FBXL20: variants seen among roughly 807,000 people sequenced by gnomAD.
FBXL20 encodes F-box/LRR-repeat protein 20.
A neutral mutation model predicts 64.0 loss-of-function variants in FBXL20; 11 were observed. The ratio of observed to expected loss-of-function variants is 0.17; its 90% confidence interval spans 0.11 to 0.28. The LOEUF (loss-of-function observed/expected upper bound fraction) is 0.28, where lower values mean the gene tolerates loss of function less well. FBXL20 is among the 10% of genes least tolerant of loss of function. The pLI is 1.00. For synonymous variants in FBXL20, 184 were observed against 189.0 expected (o/e 0.97, Z 0.22); for missense variants, 303 against 526.2 (o/e 0.58, Z 4.15).
rs185214786 is a variant in FBXL20 at position 39,379,140 on chromosome 17, C to T, written c.42+22221G>A. 7.1e-3 allele frequency among the ~76,000 whole-genome samples: 1,061 copies of T among 150,052 alleles called. 13 individuals are homozygous for T. The highest frequency in any genetic ancestry group is 0.025 in the African/African-American group (1,021 of 41,284). ...ACTTGGGAGGCTGAGGCAGGAGAAT[C>T]GCTTGAACCCAGGAGGCGGAGGTTG... On this transcript the variant is annotated intron_variant, in intron 1 of 14. Transcript: ENST00000264658.
intron 1 of FBXL20, among the ~76,000 whole-genome samples, chr17:39,395,767 G>A (rs746111894): frequency 6.6e-6 from 1 of 152,148 alleles, no homozygotes; most frequent in Non-Finnish European, 1.5e-5. Context: ...AGTTTTAATG[G>A]ATAAAAAGGT....
upstream of FBXL20, chr17:39,401,718 C>G (rs189847054): frequency 1.9e-3 from 2,166 of 1,114,744 alleles, 37 homozygotes; most frequent in African/African-American, 0.033. Flanking sequence ...CTCGGAGCGC[C>G]CGGGAGGGGG....
chr17:39,267,773 G>A (rs1053112680), intron 12 of FBXL20, among the ~76,000 whole-genome samples: 1 of 151,884 alleles, frequency 6.6e-6, no homozygotes, highest in Non-Finnish European at 1.5e-5. Context: ...GTAGAGAAAG[G>A]GGGTGGGCGA....
chr17:39,322,482 T>C (rs1184104780), intron 2 of FBXL20, among the ~76,000 whole-genome samples: 1 of 152,158 alleles, frequency 6.6e-6, no homozygotes, highest in Non-Finnish European at 1.5e-5. Context: ...ATATAAATTT[T>C]TAATTAAAAA....
At chr17:39,397,493 CAG>C (rs745894504) in intron 1 of FBXL20, among the ~76,000 whole-genome samples, 8 of 152,034 alleles carry the variant, frequency 5.3e-5, no homozygotes, top group Non-Finnish European at 1.0e-4. Context: ...CCCATTAAGA[CAG>C]AATTTTTCTC....
chr17:39,280,250 A>AC (rs2046937066), intron 9 of FBXL20, among the ~76,000 whole-genome samples: 1 of 150,942 alleles, frequency 6.6e-6, no homozygotes. Context: ...AAAAAAAAAA[A>AC]AAATTAGCCG....
chr17:39,274,232 G>C (rs2046871537), intron 10 of FBXL20, among the ~76,000 whole-genome samples: 1 of 152,112 alleles, frequency 6.6e-6, no homozygotes, highest in Admixed American at 6.5e-5. Flanking sequence ...TACTATGTAA[G>C]TTTATTTTAG....
At chr17:39,271,580 A>G (rs930443278) in intron 10 of FBXL20, among the ~76,000 whole-genome samples, 2 of 136,382 alleles carry the variant, frequency 1.5e-5, no homozygotes, top group African/African-American at 5.4e-5. Context: ...CCTGGGTGAC[A>G]GAGCAAGGCT....
At chr17:39,275,146 A>G in intron 9 of FBXL20, 46 bp from the exon 10 acceptor site, 1 of 1,550,734 alleles carries the variant, frequency 6.4e-7, no homozygotes, top group Non-Finnish European at 8.7e-7. Flanking sequence ...GTATCTTAGC[A>G]AAACAAAAAA....
At chr17:39,328,108 C>T (rs1460620795) in intron 2 of FBXL20, among the ~76,000 whole-genome samples, 2 of 151,272 alleles carry the variant, frequency 1.3e-5, no homozygotes, top group East Asian at 2.0e-4. Context: ...ATTAGCCGGG[C>T]GTGGTGGCGG....
At position 39,261,323 on chromosome 17, in the gene FBXL20, T is replaced by G. The variant is rs1597756055; in HGVS notation, c.*137A>C. On this transcript the variant is annotated 3_prime_UTR_variant, in exon 15 of 15. Transcript: ENST00000264658. ...GTGTATGTGTATGTATGTGTGGCTC[T>G]GGGGATCTGGACACTGCCCTCCCTC... 2.7e-6 allele frequency: 2 copies of G among 734,494 alleles called. No homozygotes were observed. The allele number at this position is 734,494 out of a possible 1,614,324, so 45.5% of individuals were successfully genotyped here.
chr17:39,342,525 C>T (rs2047592606), intron 2 of FBXL20, among the ~76,000 whole-genome samples: 1 of 152,114 alleles, frequency 6.6e-6, no homozygotes, highest in Non-Finnish European at 1.5e-5. Flanking sequence ...ACCATCCTGG[C>T]TAACACAGTG....
chr17:39,280,460 G>A (rs1047930375), intron 9 of FBXL20, among the ~76,000 whole-genome samples: 9 of 151,264 alleles, frequency 5.9e-5, no homozygotes, highest in Non-Finnish European at 1.0e-4. Context: ...CAATGCAGAA[G>A]GCTGAGGCAG....
chr17:39,278,814 G>A (rs931353305), intron 9 of FBXL20, among the ~76,000 whole-genome samples: 1 of 150,386 alleles, frequency 6.6e-6, no homozygotes, highest in African/African-American at 2.4e-5. Context: ...CAAAGTGTTG[G>A]GATTACAGGT....
intron 1 of FBXL20, among the ~76,000 whole-genome samples, chr17:39,351,973 G>C (rs1405050526): frequency 6.6e-6 from 1 of 152,190 alleles, no homozygotes; most frequent in Non-Finnish European, 1.5e-5. Flanking sequence ...CAACTTTGAA[G>C]GCCCTTGTAC....
intron 6 of FBXL20, among the ~76,000 whole-genome samples, chr17:39,294,729 T>C (rs2047069460): frequency 6.6e-6 from 1 of 152,048 alleles, no homozygotes; most frequent in African/African-American, 2.4e-5. Context: ...AATGCACTTA[T>C]GGCCAGACAC....
chr17:39,326,168 G>A (rs1004116970), intron 2 of FBXL20, among the ~76,000 whole-genome samples: 6 of 151,834 alleles, frequency 4.0e-5, no homozygotes, highest in African/African-American at 9.7e-5. Context: ...AGGAGTAGAC[G>A]CTAGTTTCTG....
intron 2 of FBXL20, among the ~76,000 whole-genome samples, chr17:39,342,337 G>C (rs577721743): frequency 4.6e-5 from 7 of 151,796 alleles, no homozygotes; most frequent in Non-Finnish European, 7.4e-5. Context: ...AGGCTGATGT[G>C]GGAGGACTGC....
chr17:39,361,428 C>A (rs1260378429), intron 1 of FBXL20, among the ~76,000 whole-genome samples: 1 of 152,136 alleles, frequency 6.6e-6, no homozygotes, highest in African/African-American at 2.4e-5. Flanking sequence ...ATATTGAGAG[C>A]CTAGAATTTG....
Sources: gnomAD v4.1 joint callset for allele counts (sites outside exome capture counted in the v4.1 genomes callset) on GRCh38, gnomAD v4.1.1 for gene constraint, MANE v1.5 for transcripts, NCBI Gene and HGNC (gene_info 2026-07-23, HGNC 2026-07-21) for gene names.